Variants in PNPLA8 observed in about 807,000 individuals in gnomAD.
PNPLA8 encodes patatin like domain 8, phospholipase A2, also known as calcium-independent phospholipase A2-gamma.
PNPLA8 carries 39 observed loss-of-function variants against 76.9 expected under a neutral mutation model. The observed-to-expected ratio is 0.51, with a 90% CI of 0.39 to 0.66. The LOEUF (loss-of-function observed/expected upper bound fraction) is 0.66. Among genes scored for constraint, PNPLA8 ranks in the 30% least tolerant of loss-of-function variants. The pLI, the probability that PNPLA8 is intolerant of heterozygous loss-of-function variation, is 0.00. For synonymous variants in PNPLA8, 301 were observed against 307.9 expected, an observed-to-expected ratio of 0.98 and a Z score of 0.24; for missense variants, 887 against 918.0, an observed-to-expected ratio of 0.97 and a Z score of 0.44.
At chr7:108,520,937 T>C (rs1047310245) in intron 2 of PNPLA8, among the ~76,000 whole-genome samples, 15 of 152,012 alleles carry the variant, frequency 9.9e-5, no homozygotes, top group African/African-American at 3.6e-4. Flanking sequence ...AATAAAGCCA[T>C]GCTCAAAGTC....
chr7:108,525,966 A>T, intron 1 of PNPLA8, 63 bp downstream of exon 1: 1 of 757,802 alleles, frequency 1.3e-6, no homozygotes, highest in Non-Finnish European at 1.6e-6. Flanking sequence ...AGCGCCGGAC[A>T]AGGGTCCAGA....
chr7:108,519,253 A>T (rs1598976605), intron 2 of PNPLA8, among the ~76,000 whole-genome samples: 1 of 152,222 alleles, frequency 6.6e-6, no homozygotes, highest in East Asian at 1.9e-4. Flanking sequence ...AAAACAAATT[A>T]GCTGGGCATG....
chr7:108,504,901 AC>A, intron 4 of PNPLA8, among the ~76,000 whole-genome samples: 1 of 151,972 alleles, frequency 6.6e-6, no homozygotes, highest in African/African-American at 2.4e-5. Flanking sequence ...ACATGGGGAA[AC>A]CCCATCTCTA....
rs146131922 is a variant in PNPLA8 at position 108,475,132 on chromosome 7, T to C, written c.2075-2457A>G. Among the ~76,000 whole-genome samples, 11 of 152,288 alleles carry C rather than the reference T, an allele frequency of 7.2e-5. No individual in the cohort carries two copies. The East Asian group carries it at 2.1e-3, about 29-fold the overall frequency. ...TTGCGTGCTCCTTAGGTGAATCTAA[T>C]GCCTGATGATCTGTCACTGTCTCCC... is the stretch of plus-strand genomic sequence containing the variant. On this transcript the variant is annotated intron_variant, in intron 10 of 10. Coordinates refer to ENST00000257694, the MANE Select transcript of PNPLA8 (RefSeq NM_001256007.3).
intron 4 of PNPLA8, among the ~76,000 whole-genome samples, chr7:108,504,943 G>T (rs201750782): frequency 1.3e-5 from 2 of 152,034 alleles, no homozygotes; most frequent in African/African-American, 4.8e-5. Flanking sequence ...GGGCATGGTG[G>T]TGCATGCCTG....
At chr7:108,524,055 A>G (rs1412449827) in intron 1 of PNPLA8, among the ~76,000 whole-genome samples, 3 of 152,200 alleles carry the variant, frequency 2.0e-5, no homozygotes, top group Non-Finnish European at 2.9e-5. Context: ...CACAGGATGA[A>G]GTAACAGTGG....
chr7:108,510,318 T>A, intron 4 of PNPLA8: 1 of 1,588,444 alleles, frequency 6.3e-7, no homozygotes, highest in East Asian at 2.2e-5. Context: ...GAGCTGAAGA[T>A]GAAGCGCCTG....
intron 9 of PNPLA8, among the ~76,000 whole-genome samples, chr7:108,486,146 T>C (rs1021545678): frequency 6.6e-6 from 1 of 152,068 alleles, no homozygotes; most frequent in Non-Finnish European, 1.5e-5. Context: ...AGAACTACTT[T>C]CTTTTGGATA....
chr7:108,518,748 T>C (rs71568530), intron 2 of PNPLA8, among the ~76,000 whole-genome samples: 28,267 of 93,048 alleles, frequency 0.3, 3,266 homozygotes, highest in African/African-American at 0.4. Flanking sequence ...TATATATATA[T>C]ATATATATAT....
At chr7:108,504,016 G>A (rs908006015) in intron 4 of PNPLA8, among the ~76,000 whole-genome samples, 4 of 152,102 alleles carry the variant, frequency 2.6e-5, no homozygotes, top group Non-Finnish European at 5.9e-5. Flanking sequence ...TGAGATTTTA[G>A]GACCCAATGA....
At position 108,515,534 on chromosome 7, in the gene PNPLA8, T is replaced by C. The variant is rs1598966087; in HGVS notation, c.-43A>G. On this transcript the variant is annotated 5_prime_UTR_variant, in exon 3 of 11. Transcript: ENST00000257694. ...TTTTCTATGACATTCTCTCACTTCT[T>C]GAACGCTTCATTTAAGAAATGCCAT... 7.5e-7 allele frequency: 1 copy of C among 1,330,960 alleles called. No individual in the cohort carries two copies. Among genetic ancestry groups the C allele is most frequent in the Non-Finnish European group, 9.6e-7 (1 of 1,036,688 alleles). 82.4% of individuals were successfully genotyped at this position (1,330,960 alleles called of 1,614,324 possible).
chr7:108,517,151 A>G (rs1218877922), intron 2 of PNPLA8, among the ~76,000 whole-genome samples: 1 of 152,262 alleles, frequency 6.6e-6, no homozygotes, highest in Non-Finnish European at 1.5e-5. Context: ...TAAACATATA[A>G]GAAGTTGTAC....
intron 8 of PNPLA8, 58 bp downstream of exon 8, chr7:108,491,352 G>A: frequency 1.0e-6 from 1 of 1,002,650 alleles, no homozygotes; most frequent in South Asian, 1.3e-5. Flanking sequence ...CAGGACAAGT[G>A]CTTTCACCAG....
intron 7 of PNPLA8, among the ~76,000 whole-genome samples, chr7:108,493,524 C>T (rs990265419): frequency 9.9e-5 from 15 of 150,934 alleles, no homozygotes; most frequent in African/African-American, 3.2e-4. Context: ...CCTGCCTCAG[C>T]CTCCCCAGTA....
Position 108,472,296 on chromosome 7 carries a change from C to T in PNPLA8, c.*105G>A, listed in dbSNP as rs979706120. 3 of 759,004 alleles carry T rather than the reference C, an allele frequency of 4.0e-6. No homozygotes were observed. The highest frequency in any genetic ancestry group is 6.4e-6 in the Non-Finnish European group (3 of 465,648). The allele number at this position is 759,004 out of a possible 1,614,324, so 47.0% of individuals were successfully genotyped here. On this transcript the variant is annotated 3_prime_UTR_variant, in exon 11 of 11. Coordinates refer to ENST00000257694, the MANE Select transcript of PNPLA8 (RefSeq NM_001256007.3). ...GTCTTTTTCAGGATTCTCCAGAATT[C>T]ATACGTATTTCAAAGTTAACTCATG...
intron 4 of PNPLA8, among the ~76,000 whole-genome samples, chr7:108,503,091 C>G (rs908143512): frequency 2.0e-5 from 3 of 152,044 alleles, no homozygotes; most frequent in Non-Finnish European, 4.4e-5. Context: ...TTCAAGGTTG[C>G]CTCATAAAAG....
intron 2 of PNPLA8, among the ~76,000 whole-genome samples, chr7:108,516,167 T>C (rs1463544108): frequency 2.0e-5 from 3 of 152,152 alleles, no homozygotes; most frequent in Non-Finnish European, 4.4e-5. Flanking sequence ...AACTACAGCA[T>C]ATAACATAGA....
intron 9 of PNPLA8, among the ~76,000 whole-genome samples, chr7:108,482,923 T>A (rs775169387): frequency 1.1e-4 from 17 of 152,334 alleles, no homozygotes; most frequent in Non-Finnish European, 1.5e-4. Context: ...AAGAACATCA[T>A]GTAGGATTTT....
chr7:108,525,410 C>T (rs1234588590), intron 1 of PNPLA8, among the ~76,000 whole-genome samples: 1 of 152,166 alleles, frequency 6.6e-6, no homozygotes, highest in Non-Finnish European at 1.5e-5. Flanking sequence ...TCCTATGAGT[C>T]ACCATTTTAA....
Sources: gnomAD v4.1 joint callset for allele counts (sites outside exome capture counted in the v4.1 genomes callset) on GRCh38, gnomAD v4.1.1 for gene constraint, MANE v1.5 for transcripts, NCBI Gene and HGNC (gene_info 2026-07-23, HGNC 2026-07-21) for gene names.